The following BCS1L variants were observed in gnomAD, a reference collection of about 807,000 sequenced individuals.
BCS1L encodes the protein BCS1 ubiquinol-cytochrome c reductase complex chaperone, also known as mitochondrial chaperone BCS1.
BCS1L carries 38 observed loss-of-function variants against 49.3 expected under a neutral mutation model. The ratio of observed to expected loss-of-function variants is 0.77; its 90% confidence interval spans 0.59 to 1.01. BCS1L has a LOEUF of 1.01. Among genes scored for constraint, BCS1L ranks in the 50% least tolerant of loss-of-function variants. The pLI is 0.00. For synonymous variants in BCS1L, 193 were observed against 210.1 expected, an observed-to-expected ratio of 0.92 and a Z score of 0.70; for missense variants, 394 against 540.2, an observed-to-expected ratio of 0.73 and a Z score of 2.68.
At position 218,662,029 on chromosome 2, in the gene BCS1L, G is replaced by T; in HGVS notation, c.655+76G>T. 6.5e-7 allele frequency: 1 copy of T among 1,531,852 alleles called. No individual in the cohort carries two copies. 94.9% of individuals were successfully genotyped at this position (1,531,852 alleles called of 1,614,324 possible). A position where few individuals can be genotyped will look rare whatever the true frequency, so the allele number is the denominator to read the frequency against. On this transcript the variant is annotated intron_variant, in intron 4 of 7. Coordinates refer to ENST00000359273, the MANE Select transcript of BCS1L (RefSeq NM_001079866.2). The surrounding 1 kb of genome is among the most constrained non-coding windows in gnomAD (Gnocchi z 5.8). ...GGACAGGTTGGTCTCCAGCCAGATG[G>T]GGTGATATAAAGCTCTAGTCCAATT...
In BCS1L at chr2:218,661,659, CAG is replaced by C. The variant is rs905811405; in HGVS notation, c.461-99_461-98del. 9.1e-5 allele frequency: 143 copies of C among 1,578,894 alleles called. No individual in the cohort carries two copies. The highest frequency in any genetic ancestry group is 4.1e-4 in the Admixed American group (22 of 54,126). On this transcript the variant is annotated intron_variant, in intron 3 of 7. Transcript: ENST00000359273. This position sits in a 1 kb window ranked among gnomAD's most constrained non-coding sequence, Gnocchi z 5.9. ...GCAGGCCGGGGTGAGCCCATGGGAA[CAG>C]GGGGCCAGAAGGAAGCTGTTTGGCA...
Position 218,662,687 on chromosome 2 carries a change from AG to A in BCS1L, c.889+12del, listed in dbSNP as rs773210885. 7.4e-6 allele frequency: 12 copies of A among 1,613,858 alleles called. No homozygotes were observed. In the Admixed American group the frequency reaches 1.8e-4, roughly 25 times the overall value. On this transcript the variant is annotated intron_variant, in intron 6 of 7. Transcript: ENST00000359273. The surrounding 1 kb of genome is among the most constrained non-coding windows in gnomAD (Gnocchi z 5.8). ...GAGACTTGGCTGTGGAGAGTAAGTG[AG>A]GGGTTCTGGAGGAAGTGGAGTGGGT...
chr2:218,662,778 C>G lies in BCS1L; in HGVS notation c.889+99C>G. 1 of 1,591,786 alleles carries G rather than the reference C, an allele frequency of 6.3e-7. No homozygotes were observed. Among genetic ancestry groups the G allele is most frequent in the East Asian group, 2.2e-5 (1 of 44,778 alleles). On this transcript the variant is annotated intron_variant, in intron 6 of 7. Transcript: ENST00000359273. The surrounding 1 kb of genome is among the most constrained non-coding windows in gnomAD (Gnocchi z 5.8). ...TGGTGGAAGATGCCTGGGTTAGTGA[C>G]AAGAGCCCACAAGACACATGGATAA...
rs1939340325 is a variant in BCS1L, at chr2:218,661,070, C to T, written c.83C>T (p.Ala28Val). The T allele has an allele frequency of 3.1e-6, 5 of 1,614,198 alleles. No homozygotes were observed. Among genetic ancestry groups the T allele is most frequent in the Non-Finnish European group, 4.2e-6 (5 of 1,180,050 alleles). ...TTTGGGCTGGTGGGTGTGGGCACAG[C>T]CCTGGCCCTGGCCCGGAAGGGTGTC... is the stretch of plus-strand genomic sequence containing the variant. ...AGFGLVGVGT[A>V]LALARKGVQL... The change falls in exon 2 of 8, where the codon GCC becomes GTC. Residue 28 changes from alanine to valine, a missense_variant. Coordinates refer to ENST00000359273, the MANE Select transcript of BCS1L (RefSeq NM_001079866.2). This position sits in a 1 kb window ranked among gnomAD's most constrained non-coding sequence, Gnocchi z 5.9.
chr2:218,663,366 G>T lies in BCS1L; in HGVS notation c.1240G>T (p.Ala414Ser). 3 of 1,614,128 alleles carry T rather than the reference G, an allele frequency of 1.9e-6. No homozygotes were observed. Among genetic ancestry groups the T allele is most frequent in the Non-Finnish European group, 2.5e-6 (3 of 1,180,042 alleles). Residue 414 changes from alanine (A) to serine (S), a missense_variant, in exon 8 of 8, where the codon GCT becomes TCT. By Grantham distance (99) the Ala-to-Ser change is moderately conservative. Coordinates refer to ENST00000359273, the MANE Select transcript of BCS1L (RefSeq NM_001079866.2). ...KNDPVGAIHN[A>S]ESLRR Reference sequence around the variant, plus strand: ...TGACCCTGTAGGGGCAATTCACAATGCTGAGTCTCTGAGGAGGTGATCAGG... The same window carrying T: ...TGACCCTGTAGGGGCAATTCACAATTCTGAGTCTCTGAGGAGGTGATCAGG...
intron 1 of BCS1L, chr2:218,660,406 T>TCGG: frequency 1.3e-5 from 2 of 159,334 alleles, no homozygotes; most frequent in Admixed American, 1.2e-4. Flanking sequence ...TGTGTAGATG[T>TCGG]TCCGTGAAGC....
At chr2:218,663,070 C>A in intron 7 of BCS1L, 64 bp from the exon 8 acceptor site, 1 of 1,614,054 alleles carries the variant, frequency 6.2e-7, no homozygotes, top group Non-Finnish European at 8.5e-7. Context: ...TTGGGAGGAA[C>A]AGGAGGTCGA....
At position 218,662,305 on chromosome 2, in the gene BCS1L, G is replaced by C; in HGVS notation, c.719+45G>C. 1 of 1,573,988 alleles carries C rather than the reference G, an allele frequency of 6.4e-7. No individual in the cohort carries two copies. Among genetic ancestry groups the C allele is most frequent in the Admixed American group, 1.7e-5 (1 of 59,966 alleles). On this transcript the variant is annotated intron_variant, in intron 5 of 7. Coordinates refer to ENST00000359273, the MANE Select transcript of BCS1L (RefSeq NM_001079866.2). This position sits in a 1 kb window ranked among gnomAD's most constrained non-coding sequence, Gnocchi z 5.8. The stretch of plus-strand genomic sequence containing the variant: ...CTCAACTTGGCAAAACGAAGCCTTT[G>C]TGGAAACACTAGGCTGATAGGGTTG...
upstream of BCS1L, chr2:218,659,670 C>G (rs1303036964): frequency 6.6e-6 from 1 of 152,174 alleles, no homozygotes; most frequent in Non-Finnish European, 1.5e-5. This position sits in a 1 kb window ranked among gnomAD's most constrained non-coding sequence, Gnocchi z 4.4. Context: ...GGACCCGGGG[C>G]GGGGCCGAAC....
Position 218,661,714 on chromosome 2 carries a change from ATGG to A in BCS1L, c.461-42_461-40del. ...GCTCCACCTAATTGAAGAATCAGCC[ATGG>A]TGAAGAGAATTATTGGCTTTATCTC... On this transcript the variant is annotated intron_variant, in intron 3 of 7. Transcript: ENST00000359273. The surrounding 1 kb of genome is among the most constrained non-coding windows in gnomAD (Gnocchi z 5.9). The A allele has an allele frequency of 2.5e-6, 4 of 1,600,332 alleles. No homozygotes were observed. Among genetic ancestry groups the A allele is most frequent in the Non-Finnish European group, 3.4e-6 (4 of 1,171,854 alleles).
Position 218,660,972 on chromosome 2 carries a change from G to C in BCS1L, c.-16G>C, listed in dbSNP as rs761326777. The C allele has an allele frequency of 1.2e-6, 2 of 1,613,110 alleles. No homozygotes were observed. Among genetic ancestry groups the C allele is most frequent in the African/African-American group, 1.3e-5 (1 of 75,056 alleles). ...AACACCCCAGGGCCTGTAAGGTTTGGTGTTTCCCTTTCAAGATGCCACTTT... is the reference window on the plus strand; with the variant it reads ...AACACCCCAGGGCCTGTAAGGTTTGCTGTTTCCCTTTCAAGATGCCACTTT... On this transcript the variant is annotated 5_prime_UTR_variant, in exon 2 of 8. Transcript: ENST00000359273.
Position 218,661,941 on chromosome 2 carries a change from T to C in BCS1L, c.643T>C (p.Tyr215His), listed in dbSNP as rs1161972178. ...VQEFIDNPKW[Y>H]TDRGIPYRRG... ...GGAATTCATCGATAACCCCAAGTGG[T>C]ACACTGACAGAGGTGAGAAGCAGCT... is the stretch of plus-strand genomic sequence containing the variant. The change falls in exon 4 of 8, where the codon TAC becomes CAC. Residue 215 changes from tyrosine to histidine, a missense_variant. Transcript: ENST00000359273. The surrounding 1 kb of genome is among the most constrained non-coding windows in gnomAD (Gnocchi z 5.9). 6.2e-7 allele frequency: 1 copy of C among 1,614,098 alleles called. No individual in the cohort carries two copies. The highest frequency in any genetic ancestry group is 8.5e-7 in the Non-Finnish European group (1 of 1,180,016).
upstream of BCS1L, chr2:218,659,621 C>G (rs1173699550): frequency 6.6e-6 from 1 of 152,220 alleles, no homozygotes; most frequent in Non-Finnish European, 1.5e-5. This position sits in a 1 kb window ranked among gnomAD's most constrained non-coding sequence, Gnocchi z 4.4. Flanking sequence ...GGTAGAGTGG[C>G]GTGGGCTTCT....
Position 218,662,132 on chromosome 2 carries a change from G to T in BCS1L, c.656-65G>T. 6.4e-7 allele frequency: 1 copy of T among 1,551,806 alleles called. No individual in the cohort carries two copies. Among genetic ancestry groups the T allele is most frequent in the East Asian group, 2.2e-5 (1 of 44,564 alleles). On this transcript the variant is annotated intron_variant, in intron 4 of 7. Coordinates refer to ENST00000359273, the MANE Select transcript of BCS1L (RefSeq NM_001079866.2). This position sits in a 1 kb window ranked among gnomAD's most constrained non-coding sequence, Gnocchi z 5.8. The stretch of plus-strand genomic sequence containing the variant: ...ACCAAGGTTATCAGGCTTCCAGGGG[G>T]CAGGGCTGGGAATGAACGTAGATAT...
In BCS1L at chr2:218,662,061, G is replaced by T; in HGVS notation, c.655+108G>T. 1 of 1,488,990 alleles carries T rather than the reference G, an allele frequency of 6.7e-7. No individual in the cohort carries two copies. Among genetic ancestry groups the T allele is most frequent in the Non-Finnish European group, 9.4e-7 (1 of 1,068,344 alleles). The allele number at this position is 1,488,990 out of a possible 1,614,324, so 92.2% of individuals were successfully genotyped here. A position where few individuals can be genotyped will look rare whatever the true frequency, so the allele number is the denominator to read the frequency against. ...ATAAAGCTCTAGTCCAATTCCCAGA[G>T]ATTAAGAGGAATGAAAAGTTGTGTA... On this transcript the variant is annotated intron_variant, in intron 4 of 7. Transcript: ENST00000359273. This position sits in a 1 kb window ranked among gnomAD's most constrained non-coding sequence, Gnocchi z 5.8.
intron 7 of BCS1L, 33 bp downstream of exon 7, chr2:218,663,033 C>G (rs1361148385): frequency 3.1e-6 from 5 of 1,613,726 alleles, no homozygotes; most frequent in Non-Finnish European, 4.2e-6. Context: ...GAGACTTAGG[C>G]AAGAGCCCAC....
Position 218,662,301 on chromosome 2 carries a change from C to T in BCS1L, c.719+41C>T. Reference sequence around the variant, plus strand: ...TTCTCTCAACTTGGCAAAACGAAGCCTTTGTGGAAACACTAGGCTGATAGG... The same window carrying T: ...TTCTCTCAACTTGGCAAAACGAAGCTTTTGTGGAAACACTAGGCTGATAGG... On this transcript the variant is annotated intron_variant, in intron 5 of 7. Coordinates refer to ENST00000359273, the MANE Select transcript of BCS1L (RefSeq NM_001079866.2). The surrounding 1 kb of genome is among the most constrained non-coding windows in gnomAD (Gnocchi z 5.8). The T allele has an allele frequency of 6.3e-7, 1 of 1,587,048 alleles. No homozygotes were observed. The highest frequency in any genetic ancestry group is 1.1e-5 in the South Asian group (1 of 90,500).
In BCS1L at chr2:218,662,080, T is replaced by C. The variant is rs572153099; in HGVS notation, c.656-117T>C. 3.6e-5 allele frequency: 53 copies of C among 1,492,024 alleles called. No homozygotes were observed. In the African/African-American group the frequency reaches 6.9e-4, roughly 20 times the overall value. 92.4% of individuals were successfully genotyped at this position (1,492,024 alleles called of 1,614,324 possible). ...CCCAGAGATTAAGAGGAATGAAAAG[T>C]TGTGTATGAGAATGATTTATTTCCG... is the stretch of plus-strand genomic sequence containing the variant. On this transcript the variant is annotated intron_variant, in intron 4 of 7. Transcript: ENST00000359273. The surrounding 1 kb of genome is among the most constrained non-coding windows in gnomAD (Gnocchi z 5.8).
In BCS1L at chr2:218,663,211, C is replaced by A. The variant is rs749499100; in HGVS notation, c.1085C>A (p.Thr362Asn). ...GGCTACTGCTCACACTGGCAGCTGA[C>A]CCAGATGTTCCAGAGGTTCTATCCA... ...YVGYCSHWQL[T>N]QMFQRFYPGQ... Residue 362 changes from threonine (T) to asparagine (N), a missense_variant, in exon 8 of 8, where the codon ACC (threonine) becomes AAC (asparagine). By Grantham distance (65) the Thr-to-Asn change is moderately conservative. Coordinates refer to ENST00000359273, the MANE Select transcript of BCS1L (RefSeq NM_001079866.2). The A allele has an allele frequency of 2.5e-6, 4 of 1,614,108 alleles. No individual in the cohort carries two copies. The highest frequency in any genetic ancestry group is 3.3e-5 in the Admixed American group (2 of 60,010).
Sources: allele counts gnomAD v4.1 joint callset, GRCh38; gene constraint gnomAD v4.1.1; non-coding constraint Gnocchi (gnomAD v3.1); transcripts MANE v1.5; gene names NCBI Gene and HGNC (gene_info 2026-07-23, HGNC 2026-07-21).